Variants in HERC1 observed in about 807,000 individuals in gnomAD.
HERC1 encodes the protein HECT and RLD domain containing E3 ubiquitin protein ligase family member 1, also known as probable E3 ubiquitin-protein ligase HERC1.
HERC1 carries 160 observed loss-of-function variants against 554.3 expected under a neutral mutation model. The ratio of observed to expected loss-of-function variants is 0.29; its 90% confidence interval spans 0.25 to 0.33. HERC1 has a LOEUF of 0.33. Among genes scored for constraint, HERC1 ranks in the 10% least tolerant of loss-of-function variants. The probability of loss-of-function intolerance (pLI) is 1.00; values close to 1 mark genes in which losing one functional copy is unlikely to be tolerated. For missense variants in HERC1, 4,919 were observed against 5,918.5 expected, an observed-to-expected ratio of 0.83 and a Z score of 5.54; for synonymous variants, 2,175 against 2,131.7, an observed-to-expected ratio of 1.02 and a Z score of -0.56.
intron 50 of HERC1, among the ~76,000 whole-genome samples, chr15:63,655,160 C>T (rs1193081312): frequency 6.6e-6 from 1 of 151,998 alleles, no homozygotes; most frequent in Non-Finnish European, 1.5e-5. Flanking sequence ...TCAAGACAAG[C>T]CTGGCCAACA....
chr15:63,629,645 A>T (rs1365617421), intron 69 of HERC1, among the ~76,000 whole-genome samples: 2 of 152,066 alleles, frequency 1.3e-5, no homozygotes, highest in African/African-American at 4.8e-5. Flanking sequence ...TGCCTTCAAC[A>T]TTAACTCTCC....
In HERC1 at chr15:63,718,439, C is replaced by A; in HGVS notation, c.3978+135G>T. On this transcript the variant is annotated intron_variant, in intron 21 of 77. Coordinates refer to ENST00000443617, the MANE Select transcript of HERC1 (RefSeq NM_003922.4). This position sits in a 1 kb window ranked among gnomAD's most constrained non-coding sequence, Gnocchi z 4.2. ...AAATCTTTTCCTTTTTTTTTTTCTG[C>A]TAGGAAAAGAACTACTCAACATGTA... is the stretch of plus-strand genomic sequence containing the variant. 1 of 663,392 alleles carries A rather than the reference C, an allele frequency of 1.5e-6. No individual in the cohort carries two copies. Among genetic ancestry groups the A allele is most frequent in the Non-Finnish European group, 2.2e-6 (1 of 448,902 alleles). 41.1% of individuals were successfully genotyped at this position (663,392 alleles called of 1,614,324 possible).
chr15:63,635,381 C>T (rs978983451), intron 65 of HERC1, among the ~76,000 whole-genome samples: 2 of 152,140 alleles, frequency 1.3e-5, no homozygotes, highest in Non-Finnish European at 2.9e-5. Context: ...AGTTGCTCTC[C>T]TGCTCTCCCA....
At position 63,727,374 on chromosome 15, in the gene HERC1, C is replaced by G. The variant is rs192266889; in HGVS notation, c.3346+273G>C. 2.3e-3 allele frequency among the ~76,000 whole-genome samples: 353 copies of G among 152,302 alleles called. 1 individual carries two copies. The highest frequency in any genetic ancestry group is 8.0e-3 in the African/African-American group (333 of 41,568). ...TAAATTTGACACTTGGACTAAGTGA[C>G]ACTTGATCACTGAACTGTATAATGT... On this transcript the variant is annotated intron_variant, in intron 17 of 77. Coordinates refer to ENST00000443617, the MANE Select transcript of HERC1 (RefSeq NM_003922.4). The surrounding 1 kb of genome is among the most constrained non-coding windows in gnomAD (Gnocchi z 4.3).
intron 12 of HERC1, among the ~76,000 whole-genome samples, chr15:63,741,978 T>C (rs1333868996): frequency 7.9e-5 from 12 of 152,214 alleles, no homozygotes; most frequent in African/African-American, 2.9e-4. Context: ...GATCCTTGAA[T>C]TTCCATATGA....
chr15:63,784,938 T>C (rs1373064877), intron 1 of HERC1, among the ~76,000 whole-genome samples: 1 of 152,190 alleles, frequency 6.6e-6, no homozygotes, highest in African/African-American at 2.4e-5. Flanking sequence ...AAAAAGCATT[T>C]TTAAAGAAAT....
At chr15:63,759,144 T>A (rs992478516) in intron 3 of HERC1, among the ~76,000 whole-genome samples, 2 of 152,116 alleles carry the variant, frequency 1.3e-5, no homozygotes, top group African/African-American at 4.8e-5. Context: ...ATCTCAGAAA[T>A]GGGACTCGGA....
intron 21 of HERC1, among the ~76,000 whole-genome samples, chr15:63,717,116 T>A (rs2073590537): frequency 6.6e-6 from 1 of 152,178 alleles, no homozygotes; most frequent in African/African-American, 2.4e-5. Context: ...ATTGTTATCA[T>A]CAGATCCATC....
At chr15:63,800,247 A>G (rs1157877721) in intron 1 of HERC1, among the ~76,000 whole-genome samples, 1 of 152,210 alleles carries the variant, frequency 6.6e-6, no homozygotes, top group Non-Finnish European at 1.5e-5. Flanking sequence ...TCAAAGGGGA[A>G]GAGTTTAAAA....
intron 27 of HERC1, 124 bp downstream of exon 27, chr15:63,696,000 T>C: frequency 3.0e-6 from 2 of 674,842 alleles, no homozygotes; most frequent in African/African-American, 1.8e-5. Context: ...CAAGGAGCTA[T>C]CTTAAAAAAT....
rs562701998 is a variant in HERC1 at position 63,741,085 on chromosome 15, A to G, written c.2520+5833T>C. Among the ~76,000 whole-genome samples, 339 of 151,832 alleles carry G rather than the reference A, an allele frequency of 2.2e-3. 1 individual carries two copies. The highest frequency in any genetic ancestry group is 3.9e-3 in the Non-Finnish European group (268 of 67,926). ...GCCCTGTCGCCCAGGCTGGAGTGCA[A>G]TGGTGCGGTCTCCACTCACTGCAAC... On this transcript the variant is annotated intron_variant, in intron 12 of 77. Transcript: ENST00000443617.
Position 63,643,056 on chromosome 15 carries a change from A to G in HERC1, c.11334T>C (p.Asp3778=). ...GGLMNIWSLR[D]GSVLQTVVIG... ...TCACAACAGTTTGCAAGACAGAGCC[A>G]TCCTAAAATGAGATATATTTACCAA... is the stretch of plus-strand genomic sequence containing the variant. The change falls in exon 59 of 78, where the codon GAT becomes GAC. Residue 3778 remains aspartate, a splice_region_variant and synonymous_variant. Coordinates refer to ENST00000443617, the MANE Select transcript of HERC1 (RefSeq NM_003922.4). 1 of 1,596,608 alleles carries G rather than the reference A, an allele frequency of 6.3e-7. No individual in the cohort carries two copies. Among genetic ancestry groups the G allele is most frequent in the Middle Eastern group, 1.7e-4 (1 of 6,036 alleles).
At chr15:63,724,954 C>T (rs1382254198) in intron 18 of HERC1, among the ~76,000 whole-genome samples, 1 of 152,198 alleles carries the variant, frequency 6.6e-6, no homozygotes, top group South Asian at 2.1e-4. Flanking sequence ...AGTACTCTTA[C>T]AGTGCTTTAC....
chr15:63,748,205 G>A lies in HERC1; in HGVS notation c.2220-347C>T, dbSNP rs532742157. Among the ~76,000 whole-genome samples the A allele has an allele frequency of 2.7e-4, 41 of 152,170 alleles. 1 individual carries two copies. Among genetic ancestry groups the A allele is most frequent in the East Asian group, 3.9e-4 (2 of 5,172 alleles). ...TGTATCACTGCACTCCAGCCTGGGC[G>A]ACAGAGTGAGACTCCATCTCAAAAA... On this transcript the variant is annotated intron_variant, in intron 10 of 77. Transcript: ENST00000443617.
At chr15:63,686,586 T>C in intron 33 of HERC1, 51 bp from the exon 34 acceptor site, 1 of 1,484,276 alleles carries the variant, frequency 6.7e-7, no homozygotes, top group Non-Finnish European at 9.3e-7. Context: ...ATGTCTCAGA[T>C]AAGATATATT....
At chr15:63,653,491 C>T (rs373557592) in intron 51 of HERC1, among the ~76,000 whole-genome samples, 3 of 152,272 alleles carry the variant, frequency 2.0e-5, no homozygotes, top group East Asian at 1.9e-4. Context: ...AGCTCAGAGA[C>T]CCCATGGGTT....
In HERC1 at chr15:63,677,818, C is replaced by T. The variant is rs1204472035; in HGVS notation, c.7070+27G>A. 2 of 1,588,404 alleles carry T rather than the reference C, an allele frequency of 1.3e-6. No homozygotes were observed. The highest frequency in any genetic ancestry group is 1.7e-6 in the Non-Finnish European group (2 of 1,164,442). On this transcript the variant is annotated intron_variant, in intron 37 of 77. Coordinates refer to ENST00000443617, the MANE Select transcript of HERC1 (RefSeq NM_003922.4). This position sits in a 1 kb window ranked among gnomAD's most constrained non-coding sequence, Gnocchi z 4.4. ...TATTTCACCATTAAATATTTGTTTG[C>T]TAAAAGTGTAACTCAACAGATCATA...
In HERC1 at chr15:63,734,074, G is replaced by A. The variant is rs1396484406; in HGVS notation, c.2646+650C>T. On this transcript the variant is annotated intron_variant, in intron 13 of 77. Coordinates refer to ENST00000443617, the MANE Select transcript of HERC1 (RefSeq NM_003922.4). The surrounding 1 kb of genome is among the most constrained non-coding windows in gnomAD (Gnocchi z 4.6). ...CTTAGCTACTCCAGAGGCCAAGGCA[G>A]TAAGATCCCTTGAGCTTAGGAGTTC... Among the ~76,000 whole-genome samples, 1 of 152,162 alleles carries A rather than the reference G, an allele frequency of 6.6e-6. No individual in the cohort carries two copies. Among genetic ancestry groups the A allele is most frequent in the Non-Finnish European group, 1.5e-5 (1 of 68,026 alleles).
chr15:63,773,545 T>TTTTTA lies in HERC1; in HGVS notation c.930+1144_930+1148dup, dbSNP rs1161987137. Among the ~76,000 whole-genome samples, 210 of 152,088 alleles carry TTTTTA rather than the reference T, an allele frequency of 1.4e-3. 1 individual carries two copies. The highest frequency in any genetic ancestry group is 4.6e-3 in the African/African-American group (193 of 41,528). On this transcript the variant is annotated intron_variant, in intron 2 of 77. Coordinates refer to ENST00000443617, the MANE Select transcript of HERC1 (RefSeq NM_003922.4). ...ATATTTTAAATTTGTATTTTATTTT[T>TTTTTA]TTTTATTTTATTTTATTTTTGAGAC...
Sources: allele counts gnomAD v4.1 joint callset (sites outside exome capture counted in the v4.1 genomes callset), GRCh38; gene constraint gnomAD v4.1.1; non-coding constraint Gnocchi (gnomAD v3.1); transcripts MANE v1.5; gene names NCBI Gene and HGNC (gene_info 2026-07-23, HGNC 2026-07-21).